CSMD3: variants seen among roughly 807,000 people sequenced by gnomAD.
CSMD3 encodes the protein CUB and Sushi multiple domains 3, also known as CUB and sushi domain-containing protein 3.
A neutral mutation model predicts 435.2 loss-of-function variants in CSMD3; 177 were observed. The ratio of observed to expected loss-of-function variants is 0.41; its 90% confidence interval spans 0.36 to 0.46. The LOEUF is 0.46. CSMD3 is among the 20% of genes least tolerant of loss of function. The probability of loss-of-function intolerance (pLI) is 0.34; values close to 1 mark genes in which losing one functional copy is unlikely to be tolerated. For synonymous variants in CSMD3, 1,656 were observed against 1,520.5 expected (o/e 1.09, Z -2.07); for missense variants, 4,265 against 4,504.6 (o/e 0.95, Z 1.52).
At chr8:113,104,321 A>C (rs2090415274) in intron 4 of CSMD3, among the ~76,000 whole-genome samples, 1 of 152,138 alleles carries the variant, frequency 6.6e-6, no homozygotes, top group Non-Finnish European at 1.5e-5. Flanking sequence ...AATTTCCATC[A>C]GCACTCAAGT....
intron 31 of CSMD3, among the ~76,000 whole-genome samples, chr8:112,487,293 A>G (rs544580141): frequency 6.6e-6 from 1 of 152,334 alleles, no homozygotes; most frequent in East Asian, 1.9e-4. Context: ...TCTAGTAAGA[A>G]GACAAGAGAT....
chr8:113,140,531 C>G (rs779727007), intron 4 of CSMD3, among the ~76,000 whole-genome samples: 3 of 150,858 alleles, frequency 2.0e-5, no homozygotes, highest in African/African-American at 7.3e-5. Context: ...ACACAACTAA[C>G]TTAAAATATT....
intron 12 of CSMD3, among the ~76,000 whole-genome samples, chr8:112,811,168 GA>G (rs2079215474): frequency 5.6e-5 from 2 of 35,770 alleles, no homozygotes; most frequent in African/African-American, 2.5e-4. Context: ...ACTGCCCAGA[GA>G]AGAGTAGAAA....
intron 4 of CSMD3, among the ~76,000 whole-genome samples, chr8:113,169,517 C>T (rs1411527680): frequency 6.6e-6 from 1 of 152,104 alleles, no homozygotes; most frequent in Non-Finnish European, 1.5e-5. Context: ...CTCAAATCAT[C>T]AATACAATAT....
rs188768139 is a variant in CSMD3, at chr8:113,276,344, G to C, written c.514+2248C>G. The stretch of plus-strand genomic sequence containing the variant: ...AATTTCTTCACCTGGAGTATAAGAT[G>C]TGTGGAGGGAGAAAGTAGCAGACAG... On this transcript the variant is annotated intron_variant, in intron 3 of 70. Transcript: ENST00000297405. Among the ~76,000 whole-genome samples, 24 of 152,206 alleles carry C rather than the reference G, an allele frequency of 1.6e-4. No individual in the cohort carries two copies. The East Asian group carries it at 4.1e-3, about 26-fold the overall frequency.
At position 112,223,245 on chromosome 8, in the gene CSMD3, T is replaced by C. The variant is rs868576141; in HGVS notation, c.*1526A>G. 3.1e-5 allele frequency: 12 copies of C among 387,916 alleles called. No individual in the cohort carries two copies. The Middle Eastern group carries it at 2.6e-3, about 83-fold the overall frequency. 24.0% of individuals were successfully genotyped at this position (387,916 alleles called of 1,614,324 possible). ...AAAATTGTATGAATTTCCAAAACAA[T>C]GTATCTCAAAGTGGTTTACAAGAAA... On this transcript the variant is annotated 3_prime_UTR_variant, in exon 71 of 71. Transcript: ENST00000297405.
At chr8:112,485,846 T>C (rs767361303) in intron 31 of CSMD3, among the ~76,000 whole-genome samples, 11 of 152,010 alleles carry the variant, frequency 7.2e-5, no homozygotes, top group Non-Finnish European at 1.6e-4. Flanking sequence ...CAGAGAATGG[T>C]GCCAGAAGAC....
intron 60 of CSMD3, among the ~76,000 whole-genome samples, chr8:112,264,344 T>C (rs1816733666): frequency 6.6e-6 from 1 of 152,178 alleles, no homozygotes; most frequent in Admixed American, 6.6e-5. Flanking sequence ...GGTTTATAAA[T>C]GCATTTTTAA....
chr8:112,433,654 C>CAAAAAAAAAAAAAAAAAAAAAGAAAAA (rs35572894), intron 32 of CSMD3, among the ~76,000 whole-genome samples: 4 of 93,212 alleles, frequency 4.3e-5, no homozygotes, highest in Admixed American at 1.4e-4. Flanking sequence ...GAGAACCTGT[C>CAAAAAAAAAAAAAAAAAAAAAGAAAAA]AAAAAAAAAA....
chr8:113,003,887 A>T (rs2085957333), intron 6 of CSMD3, among the ~76,000 whole-genome samples: 2 of 152,042 alleles, frequency 1.3e-5, no homozygotes, highest in South Asian at 4.1e-4. Context: ...ATGTATCTCT[A>T]TTACTTCTGT....
intron 22 of CSMD3, among the ~76,000 whole-genome samples, chr8:112,594,185 G>A (rs1393122106): frequency 6.6e-6 from 1 of 151,856 alleles, no homozygotes; most frequent in South Asian, 2.1e-4. Context: ...CCGAAGCAGG[G>A]CGAGGCATTG....
At chr8:113,238,255 T>A (rs2093172563) in intron 3 of CSMD3, among the ~76,000 whole-genome samples, 1 of 152,072 alleles carries the variant, frequency 6.6e-6, no homozygotes, top group Non-Finnish European at 1.5e-5. Flanking sequence ...CCATCAGTAA[T>A]CTAGGTCAAC....
At chr8:112,365,224 C>A (rs1827651465) in intron 38 of CSMD3, among the ~76,000 whole-genome samples, 1 of 152,090 alleles carries the variant, frequency 6.6e-6, no homozygotes, top group Admixed American at 6.6e-5. Flanking sequence ...CCTCCTTCCT[C>A]TTCAATATTC....
intron 15 of CSMD3, among the ~76,000 whole-genome samples, chr8:112,684,176 T>C (rs1380714221): frequency 1.3e-5 from 2 of 151,952 alleles, no homozygotes; most frequent in African/African-American, 4.8e-5. Context: ...AAATTATAGA[T>C]AGATAGATGC....
At chr8:112,576,628 T>G (rs1180539393) in intron 23 of CSMD3, among the ~76,000 whole-genome samples, 1 of 151,892 alleles carries the variant, frequency 6.6e-6, no homozygotes, top group Non-Finnish European at 1.5e-5. Context: ...ATCCCCCAGT[T>G]CAGGTGACCC....
chr8:112,537,368 G>C (rs1441070869), intron 27 of CSMD3, among the ~76,000 whole-genome samples: 1 of 150,502 alleles, frequency 6.6e-6, no homozygotes, highest in Non-Finnish European at 1.5e-5. Flanking sequence ...CCCCAAATTA[G>C]TAGAAGGAAA....
At chr8:113,006,384 C>G (rs1339065233) in intron 6 of CSMD3, among the ~76,000 whole-genome samples, 1 of 151,944 alleles carries the variant, frequency 6.6e-6, no homozygotes, top group African/African-American at 2.4e-5. Flanking sequence ...TTTCAGAGAG[C>G]CCTTGTAGAT....
rs1237333190 is a variant in CSMD3 at position 112,562,256 on chromosome 8, G to C, written c.4043-5302C>G. On this transcript the variant is annotated intron_variant, in intron 24 of 70. Coordinates refer to ENST00000297405, the MANE Select transcript of CSMD3 (RefSeq NM_198123.2). ...CATAGGGTAATGTCATACCTTACTA[G>C]CAAAACACTACCAGTAATACAAATA... is the stretch of plus-strand genomic sequence containing the variant. Among the ~76,000 whole-genome samples the C allele has an allele frequency of 4.0e-5, 6 of 151,390 alleles. No individual in the cohort carries two copies. In the East Asian group the frequency reaches 9.7e-4, roughly 24 times the overall value.
intron 3 of CSMD3, among the ~76,000 whole-genome samples, chr8:113,201,595 T>C (rs1588265025): frequency 6.6e-6 from 1 of 152,004 alleles, no homozygotes; most frequent in Non-Finnish European, 1.5e-5. Flanking sequence ...ACAATGAAAC[T>C]TGAATTTTTA....
Sources: allele counts gnomAD v4.1 joint callset (sites outside exome capture counted in the v4.1 genomes callset), GRCh38; gene constraint gnomAD v4.1.1; transcripts MANE v1.5; gene names NCBI Gene and HGNC (gene_info 2026-07-23, HGNC 2026-07-21).